BBC3: variants seen among roughly 807,000 people sequenced by gnomAD.
The protein encoded by BBC3 is BCL2 binding component 3, also known as bcl-2-binding component 3.
In BBC3, 5 loss-of-function variants were observed where a neutral mutation model predicts 18.2. The ratio of observed to expected loss-of-function variants is 0.27; its 90% CI spans 0.14 to 0.58. The LOEUF (loss-of-function observed/expected upper bound fraction) is 0.58, where lower values mean the gene tolerates loss of function less well. BBC3 is among the 20% of genes least tolerant of loss of function. BBC3 has a pLI of 0.91. For missense variants in BBC3, 224 were observed against 268.9 expected (o/e 0.83, Z 1.17); for synonymous variants, 119 against 128.0 (o/e 0.93, Z 0.47).
chr19:47,231,027 T>A lies in BBC3; in HGVS notation c.-114A>T, dbSNP rs2058907893. The stretch of plus-strand genomic sequence containing the variant: ...GAGCGCCGCTCTCCGCGGCGGCTGC[T>A]GCTGTGGCTGTCGCTGCTGCTGCCG... On this transcript the variant is annotated 5_prime_UTR_variant, in exon 1 of 4. Transcript: ENST00000439096. The surrounding 1 kb of genome is among the most constrained non-coding windows in gnomAD (Gnocchi z 4.0). The A allele has an allele frequency of 1.0e-6, 1 of 983,866 alleles. No homozygotes were observed. 60.9% of individuals were successfully genotyped at this position (983,866 alleles called of 1,614,324 possible). A position where few individuals can be genotyped will look rare whatever the true frequency, so the allele number is the denominator to read the frequency against.
At position 47,228,659 on chromosome 19, in the gene BBC3, A is replaced by T. The variant is rs1445121010; in HGVS notation, c.-15-213T>A. Among the ~76,000 whole-genome samples, 1 of 152,046 alleles carries T rather than the reference A, an allele frequency of 6.6e-6. No individual in the cohort carries two copies. The highest frequency in any genetic ancestry group is 1.5e-5 in the Non-Finnish European group (1 of 67,984). On this transcript the variant is annotated intron_variant, in intron 1 of 3. Coordinates refer to ENST00000439096, the MANE Select transcript of BBC3 (RefSeq NM_014417.5). The surrounding 1 kb of genome is among the most constrained non-coding windows in gnomAD (Gnocchi z 5.5). ...GCCTCCCGTGCATACGGTGATGGGCACACAGGAGGGACAGGGGGCACAGGA... is the reference window on the plus strand; with the variant it reads ...GCCTCCCGTGCATACGGTGATGGGCTCACAGGAGGGACAGGGGGCACAGGA...
At chr19:47,231,471 G>A (rs1006604125), upstream of BBC3, among the ~76,000 whole-genome samples, 1 of 152,100 alleles carries the variant, frequency 6.6e-6, no homozygotes, top group African/African-American at 2.4e-5. The surrounding 1 kb of genome is among the most constrained non-coding windows in gnomAD (Gnocchi z 4.0). Flanking sequence ...CCAGACACCG[G>A]GACAGTCGGA....
chr19:47,221,905 T>C lies in BBC3; in HGVS notation c.479A>G (p.Gln160Arg), dbSNP rs1325143858. Residue 160 changes from glutamine to arginine, a missense_variant, in exon 4 of 4, where the codon CAG (glutamine) becomes CGG (arginine). Gln to Arg is a conservative substitution (Grantham distance 43). Transcript: ENST00000439096. ...AQYERRRQEE[Q>R]QRHRPSPWRV... Reference sequence around the variant, plus strand: ...CCAGGGTGAGGGGCGGTGCCGCTGCTGCTCCTCTTGTCTCTGGGGAAAAGA... The same window carrying C: ...CCAGGGTGAGGGGCGGTGCCGCTGCCGCTCCTCTTGTCTCTGGGGAAAAGA... 7 of 1,606,146 alleles carry C rather than the reference T, an allele frequency of 4.4e-6. No individual in the cohort carries two copies. The highest frequency in any genetic ancestry group is 5.9e-6 in the Non-Finnish European group (7 of 1,176,664).
At chr19:47,222,039 C>G (rs544654454) in intron 3 of BBC3, 121 bp from the exon 4 acceptor site, 3 of 864,680 alleles carry the variant, frequency 3.5e-6, no homozygotes, top group Non-Finnish European at 5.1e-6. Context: ...AGCTCCTCCC[C>G]CCGCCTGGGC....
Position 47,231,056 on chromosome 19 carries a change from T to G in BBC3, c.-143A>C. 1.0e-6 allele frequency: 1 copy of G among 964,052 alleles called. No homozygotes were observed. The highest frequency in any genetic ancestry group is 1.2e-6 in the Non-Finnish European group (1 of 809,714). 59.7% of individuals were successfully genotyped at this position (964,052 alleles called of 1,614,324 possible). On this transcript the variant is annotated 5_prime_UTR_variant, in exon 1 of 4. It removes the in-frame stop codon of an upstream open reading frame in the 5' UTR. Coordinates refer to ENST00000439096, the MANE Select transcript of BBC3 (RefSeq NM_014417.5). The surrounding 1 kb of genome is among the most constrained non-coding windows in gnomAD (Gnocchi z 4.0). ...GTGGCTGTCGCTGCTGCTGCCGCTCTAACTGCAGTGGCGGCTGCTGTGGCT... is the reference window on the plus strand; with the variant it reads ...GTGGCTGTCGCTGCTGCTGCCGCTCGAACTGCAGTGGCGGCTGCTGTGGCT...
At chr19:47,229,970 G>C (rs1203013784) in intron 1 of BBC3, among the ~76,000 whole-genome samples, 2 of 151,666 alleles carry the variant, frequency 1.3e-5, no homozygotes, top group Non-Finnish European at 2.9e-5. Flanking sequence ...AAACACACAG[G>C]CAAGACACAA....
rs2058872826 is a variant in BBC3 at position 47,228,732 on chromosome 19, C to A, written c.-15-286G>T. On this transcript the variant is annotated intron_variant, in intron 1 of 3. Transcript: ENST00000439096. The surrounding 1 kb of genome is among the most constrained non-coding windows in gnomAD (Gnocchi z 5.5). ...GCTCACACAGGACGGATGGAGGGGT[C>A]TAGCAGGTGTGTGTATGAGGGCTGT... 6.6e-6 allele frequency among the ~76,000 whole-genome samples: 1 copy of A among 152,018 alleles called. No homozygotes were observed. Among genetic ancestry groups the A allele is most frequent in the South Asian group, 2.1e-4 (1 of 4,826 alleles).
chr19:47,228,574 G>A lies in BBC3; in HGVS notation c.-15-128C>T, dbSNP rs2058869323. 1.1e-6 allele frequency: 1 copy of A among 947,128 alleles called. No homozygotes were observed. Among genetic ancestry groups the A allele is most frequent in the Middle Eastern group, 3.8e-4 (1 of 2,664 alleles). 58.7% of individuals were successfully genotyped at this position (947,128 alleles called of 1,614,324 possible). ...GTGTGTGCATGCGGAGGGGGTGACG[G>A]CCCCACAGAGACACGCCCAGCCGGG... On this transcript the variant is annotated intron_variant, in intron 1 of 3. Transcript: ENST00000439096. The surrounding 1 kb of genome is among the most constrained non-coding windows in gnomAD (Gnocchi z 5.5).
intron 3 of BBC3, chr19:47,222,146 A>T: frequency 4.2e-6 from 2 of 478,510 alleles, no homozygotes; most frequent in African/African-American, 4.0e-5. Flanking sequence ...GCTGGGCACC[A>T]AGCGAGTGCG....
rs1026735812 is a variant in BBC3 at position 47,221,434 on chromosome 19, C to G, written c.*368G>C. ...GGAGCACCGAGAGGAGAGCCCCCCC[C>G]TCCCAGTGTCACCCCTGCAGCTGGA... On this transcript the variant is annotated 3_prime_UTR_variant, in exon 4 of 4. Coordinates refer to ENST00000439096, the MANE Select transcript of BBC3 (RefSeq NM_014417.5). 2.8e-4 allele frequency: 66 copies of G among 238,264 alleles called. 4 individuals are homozygous for G. Among genetic ancestry groups the G allele is most frequent in the Admixed American group, 7.3e-4 (11 of 15,126 alleles). The allele number at this position is 238,264 out of a possible 1,614,324, so 14.8% of individuals were successfully genotyped here.
chr19:47,221,899 C>T lies in BBC3; in HGVS notation c.485G>A (p.Arg162Gln), dbSNP rs766673586. The change falls in exon 4 of 4, where the codon CGG becomes CAG. Residue 162 changes from arginine (R) to glutamine (Q), a missense_variant. Transcript: ENST00000439096. ...YERRRQEEQQ[R>Q]HRPSPWRVLY... ...GACCCTCCAGGGTGAGGGGCGGTGC[C>T]GCTGCTGCTCCTCTTGTCTCTGGGG... is the stretch of plus-strand genomic sequence containing the variant. 87 of 1,606,592 alleles carry T rather than the reference C, an allele frequency of 5.4e-5. No individual in the cohort carries two copies. Among genetic ancestry groups the T allele is most frequent in the African/African-American group, 1.3e-4 (10 of 74,436 alleles).
upstream of BBC3, among the ~76,000 whole-genome samples, chr19:47,232,149 C>T (rs551220193): frequency 2.6e-5 from 4 of 152,246 alleles, no homozygotes; most frequent in South Asian, 2.1e-4. Context: ...GTCAGGAATT[C>T]GAGACCAGCC....
In BBC3 at chr19:47,228,220, G is replaced by A. The variant is rs1224167693; in HGVS notation, c.212C>T (p.Ala71Val). 8.2e-7 allele frequency: 1 copy of A among 1,222,938 alleles called. No homozygotes were observed. Among genetic ancestry groups the A allele is most frequent in the Non-Finnish European group, 1.0e-6 (1 of 982,276 alleles). 75.8% of individuals were successfully genotyped at this position (1,222,938 alleles called of 1,614,324 possible). A position where few individuals can be genotyped will look rare whatever the true frequency, so the allele number is the denominator to read the frequency against. The change falls in exon 2 of 4, where the codon GCC becomes GTC. Residue 71 changes from alanine (A) to valine (V), a missense_variant. Coordinates refer to ENST00000439096, the MANE Select transcript of BBC3 (RefSeq NM_014417.5). This position sits in a 1 kb window ranked among gnomAD's most constrained non-coding sequence, Gnocchi z 5.5. ...CCCAGGCCAGCGGGAACCCCCCAGG[G>A]CGGCGGTGACGGCGGGTGGGGCGGT... ...APTAPPAVTA[A>V]LGGSRWPGGP... is the part of the protein sequence containing the mutation.
rs982080768 is a variant in BBC3 at position 47,228,230 on chromosome 19, C to T, written c.202G>A (p.Val68Ile). The T allele has an allele frequency of 1.2e-4, 111 of 945,562 alleles. No homozygotes were observed. The highest frequency in any genetic ancestry group is 1.3e-4 in the Non-Finnish European group (107 of 815,304). The allele number at this position is 945,562 out of a possible 1,614,324, so 58.6% of individuals were successfully genotyped here. A position where few individuals can be genotyped will look rare whatever the true frequency, so the allele number is the denominator to read the frequency against. ...YLCAPTAPPA[V>I]TAALGGSRWP... ...CGGGAACCCCCCAGGGCGGCGGTGA[C>T]GGCGGGTGGGGCGGTGGGGGCGCAG... Residue 68 changes from valine to isoleucine, a missense_variant, in exon 2 of 4, where the codon GTC becomes ATC. Physicochemically the swap from Val to Ile is conservative, Grantham distance 29 (BLOSUM62 3). Coordinates refer to ENST00000439096, the MANE Select transcript of BBC3 (RefSeq NM_014417.5). This position sits in a 1 kb window ranked among gnomAD's most constrained non-coding sequence, Gnocchi z 5.5.
Position 47,230,968 on chromosome 19 carries a change from G to A in BBC3, c.-55C>T, listed in dbSNP as rs901494477. The A allele has an allele frequency of 2.3e-5, 23 of 983,734 alleles. No individual in the cohort carries two copies. In the Admixed American group the frequency reaches 5.5e-4, roughly 24 times the overall value. The allele number at this position is 983,734 out of a possible 1,614,324, so 60.9% of individuals were successfully genotyped here. On this transcript the variant is annotated 5_prime_UTR_variant, in exon 1 of 4. Coordinates refer to ENST00000439096, the MANE Select transcript of BBC3 (RefSeq NM_014417.5). This position sits in a 1 kb window ranked among gnomAD's most constrained non-coding sequence, Gnocchi z 6.7. ...CACGCCGGAGGGGGCGGCGGTGGGG[G>A]GCGGGCGGCTTCCTTCAGGAGGGCG...
Position 47,231,170 on chromosome 19 carries a change from C to G in BBC3, c.-257G>C. 1.0e-6 allele frequency: 1 copy of G among 984,798 alleles called. No individual in the cohort carries two copies. Among genetic ancestry groups the G allele is most frequent in the Non-Finnish European group, 1.2e-6 (1 of 829,726 alleles). The allele number at this position is 984,798 out of a possible 1,614,324, so 61.0% of individuals were successfully genotyped here. On this transcript the variant is annotated 5_prime_UTR_variant, in exon 1 of 4. Transcript: ENST00000439096. The surrounding 1 kb of genome is among the most constrained non-coding windows in gnomAD (Gnocchi z 4.0). ...GTGCCGCCGCCGCCGCCGCCAGGCG[C>G]CCGCTCGCATGTGGCTCGCGCCGCG...
chr19:47,230,901 G>A lies in BBC3; in HGVS notation c.-16+28C>T, dbSNP rs929100410. 2.0e-6 allele frequency: 2 copies of A among 982,714 alleles called. No homozygotes were observed. The highest frequency in any genetic ancestry group is 2.4e-6 in the Non-Finnish European group (2 of 827,618). The allele number at this position is 982,714 out of a possible 1,614,324, so 60.9% of individuals were successfully genotyped here. On this transcript the variant is annotated intron_variant, in intron 1 of 3. Coordinates refer to ENST00000439096, the MANE Select transcript of BBC3 (RefSeq NM_014417.5). The surrounding 1 kb of genome is among the most constrained non-coding windows in gnomAD (Gnocchi z 6.7). ...CCACCCGGCCTGGCCGATCGCCGCC[G>A]GAGAGGATTCGGGGCGCGCACACTC...
chr19:47,228,100 G>C lies in BBC3; in HGVS notation c.274+58C>G. The C allele has an allele frequency of 8.4e-7, 1 of 1,193,200 alleles. No individual in the cohort carries two copies. Among genetic ancestry groups the C allele is most frequent in the Non-Finnish European group, 1.0e-6 (1 of 955,122 alleles). The allele number at this position is 1,193,200 out of a possible 1,614,324, so 73.9% of individuals were successfully genotyped here. A position where few individuals can be genotyped will look rare whatever the true frequency, so the allele number is the denominator to read the frequency against. On this transcript the variant is annotated intron_variant, in intron 2 of 3. Transcript: ENST00000439096. The surrounding 1 kb of genome is among the most constrained non-coding windows in gnomAD (Gnocchi z 5.5). ...TCTCCCACTTCTCCAGTTCCTCCGA[G>C]TCTCCAGCCCTCTCTCTTCCCGGCT... is the stretch of plus-strand genomic sequence containing the variant.
At chr19:47,231,204 C>G (rs868085077), upstream of BBC3, 3,740 of 982,450 alleles carry the variant, frequency 3.8e-3, 17 homozygotes, top group South Asian at 0.022. The surrounding 1 kb of genome is among the most constrained non-coding windows in gnomAD (Gnocchi z 4.0). Flanking sequence ...CGTCTCAGGC[C>G]GCCCGGCGGA....
Sources: allele counts gnomAD v4.1 joint callset (sites outside exome capture counted in the v4.1 genomes callset), GRCh38; gene constraint gnomAD v4.1.1; non-coding constraint Gnocchi (gnomAD v3.1); transcripts MANE v1.5; gene names NCBI Gene and HGNC (gene_info 2026-07-23, HGNC 2026-07-21).